The following CSMD3 variants were observed in gnomAD, a reference collection of about 807,000 sequenced individuals.
The protein encoded by CSMD3 is CUB and Sushi multiple domains 3.
Under a neutral mutation model 435.2 loss-of-function variants are expected in CSMD3, and 177 were observed. The ratio of observed to expected loss-of-function variants is 0.41; its 90% confidence interval spans 0.36 to 0.46. The LOEUF (loss-of-function observed/expected upper bound fraction) is 0.46, where lower values mean the gene tolerates loss of function less well. Among genes scored for constraint, CSMD3 ranks in the 20% least tolerant of loss-of-function variants. CSMD3 has a pLI of 0.34. For missense variants in CSMD3, 4,265 were observed against 4,504.6 expected (o/e 0.95, Z 1.52); for synonymous variants, 1,656 against 1,520.5 (o/e 1.09, Z -2.07).
chr8:112,793,734 AT>A (rs1563966586), intron 13 of CSMD3, among the ~76,000 whole-genome samples: 2 of 152,196 alleles, frequency 1.3e-5, no homozygotes, highest in African/African-American at 2.4e-5. Context: ...ATAAAACCTT[AT>A]TTGAACGTGG....
intron 31 of CSMD3, among the ~76,000 whole-genome samples, chr8:112,477,343 TG>T (rs1819156598): frequency 6.6e-6 from 1 of 152,214 alleles, no homozygotes; most frequent in South Asian, 2.1e-4. Flanking sequence ...GACTGCTATA[TG>T]GATTCTGGGT....
At chr8:112,952,166 A>G (rs2083840398) in intron 8 of CSMD3, among the ~76,000 whole-genome samples, 3 of 151,316 alleles carry the variant, frequency 2.0e-5, no homozygotes, top group African/African-American at 7.3e-5. Context: ...AAAAAAAAAA[A>G]TCTGAATGAG....
At chr8:112,851,235 T>C (rs2080476581) in intron 11 of CSMD3, among the ~76,000 whole-genome samples, 1 of 152,072 alleles carries the variant, frequency 6.6e-6, no homozygotes, top group African/African-American at 2.4e-5. Flanking sequence ...CAGCGTAACT[T>C]TGATTGAAGT....
At chr8:112,263,880 A>G (rs1214376622) in intron 60 of CSMD3, 68 bp from the exon 61 acceptor site, 1 of 1,367,902 alleles carries the variant, frequency 7.3e-7, no homozygotes, top group Admixed American at 1.7e-5. Flanking sequence ...ATATAAATAA[A>G]TATCATTAGA....
chr8:112,858,976 T>C (rs1040557718), intron 11 of CSMD3, among the ~76,000 whole-genome samples, 169 bp downstream of exon 11: 10 of 151,928 alleles, frequency 6.6e-5, no homozygotes, highest in Admixed American at 4.6e-4. Flanking sequence ...TTTTTATTTT[T>C]TCCCAAATTT....
chr8:112,887,037 C>T (rs1205860434), intron 10 of CSMD3, among the ~76,000 whole-genome samples: 1 of 151,386 alleles, frequency 6.6e-6, no homozygotes, highest in East Asian at 2.0e-4. Flanking sequence ...TTCAAGTTGA[C>T]CAAAATGAGT....
At chr8:112,654,019 AAAAAAAAAGAATGGGGT>A (rs945842250) in intron 18 of CSMD3, among the ~76,000 whole-genome samples, 6 of 137,862 alleles carry the variant, frequency 4.4e-5, no homozygotes, top group African/African-American at 1.6e-4. Context: ...AGAATGGGGT[AAAAAAAAAGAATGGGGT>A]AAAAAATATA....
rs527770355 is a variant in CSMD3, at chr8:113,049,185, G to A, written c.918-30006C>T. On this transcript the variant is annotated intron_variant, in intron 5 of 70. Coordinates refer to ENST00000297405, the MANE Select transcript of CSMD3 (RefSeq NM_198123.2). ...ACCTGGGAGGCAGAGGTTGCAGTGA[G>A]CCAAGATCACGCCACTGCACTCCAG... is the stretch of plus-strand genomic sequence containing the variant. Among the ~76,000 whole-genome samples, 9 of 152,278 alleles carry A rather than the reference G, an allele frequency of 5.9e-5. No individual in the cohort carries two copies. In the South Asian group the frequency reaches 1.7e-3, roughly 28 times the overall value.
intron 3 of CSMD3, among the ~76,000 whole-genome samples, chr8:113,261,871 C>T (rs552952980): frequency 2.7e-4 from 41 of 152,136 alleles, no homozygotes; most frequent in Non-Finnish European, 4.9e-4. Flanking sequence ...ATATGAAATG[C>T]TGCTTACATG....
chr8:113,158,635 T>C (rs1165889223), intron 4 of CSMD3, among the ~76,000 whole-genome samples: 1 of 151,976 alleles, frequency 6.6e-6, no homozygotes, highest in Admixed American at 6.6e-5. Context: ...AACTTACAGA[T>C]CTTTTTAACT....
intron 50 of CSMD3, among the ~76,000 whole-genome samples, chr8:112,308,340 C>T (rs979938873): frequency 1.3e-5 from 2 of 151,950 alleles, no homozygotes; most frequent in Non-Finnish European, 2.9e-5. Flanking sequence ...TAGATTGAAT[C>T]TAGGTCAAAG....
intron 1 of CSMD3, among the ~76,000 whole-genome samples, chr8:113,355,761 C>CAA: frequency 1.0e-5 from 1 of 98,502 alleles, no homozygotes; most frequent in African/African-American, 4.2e-5. Context: ...CACACACACA[C>CAA]ACACACGGGG....
intron 38 of CSMD3, among the ~76,000 whole-genome samples, chr8:112,375,207 G>A (rs1021610006): frequency 6.6e-6 from 1 of 151,882 alleles, no homozygotes; most frequent in African/African-American, 2.4e-5. Flanking sequence ...AACTTAATTG[G>A]GTAAACAGTC....
intron 32 of CSMD3, among the ~76,000 whole-genome samples, chr8:112,429,378 G>A (rs2883427): frequency 0.44 from 67,349 of 151,732 alleles, 15,533 homozygotes; most frequent in Middle Eastern, 0.6. Flanking sequence ...GGTGATGTCT[G>A]ATGGAGAAAC....
chr8:112,286,934 C>T (rs962181298), intron 58 of CSMD3, 130 bp downstream of exon 58: 17 of 776,278 alleles, frequency 2.2e-5, no homozygotes, highest in Admixed American at 1.6e-4. Context: ...AATGGGAATA[C>T]GACTGTTTTA....
At chr8:112,912,550 A>G (rs1365869871) in intron 10 of CSMD3, among the ~76,000 whole-genome samples, 3 of 151,928 alleles carry the variant, frequency 2.0e-5, no homozygotes. Flanking sequence ...CACATCTCAT[A>G]CAGGAATGAA....
chr8:113,069,073 C>A (rs879622220), intron 5 of CSMD3, among the ~76,000 whole-genome samples: 16 of 151,884 alleles, frequency 1.1e-4, no homozygotes, highest in Admixed American at 3.9e-4. Context: ...AGACGACAAA[C>A]GATTTTCTGA....
At chr8:112,920,991 G>GCGCA (rs2082722412) in intron 10 of CSMD3, among the ~76,000 whole-genome samples, 2 of 111,318 alleles carry the variant, frequency 1.8e-5, no homozygotes, top group African/African-American at 8.3e-5. Flanking sequence ...ACACATACGC[G>GCGCA]CGCGCGCACA....
At chr8:112,320,453 T>G (rs1281966714) in intron 45 of CSMD3, among the ~76,000 whole-genome samples, 1 of 152,160 alleles carries the variant, frequency 6.6e-6, no homozygotes. Context: ...AAAAAAAATT[T>G]TCTTATTTAA....
Sources: gnomAD v4.1 joint callset for allele counts (sites outside exome capture counted in the v4.1 genomes callset) on GRCh38, gnomAD v4.1.1 for gene constraint, MANE v1.5 for transcripts, NCBI Gene and HGNC (gene_info 2026-07-23, HGNC 2026-07-21) for gene names.